The following SORCS1 variants were observed in gnomAD, a reference collection of about 807,000 sequenced individuals.
The protein encoded by SORCS1 is sortilin related VPS10 domain containing receptor 1.
SORCS1 carries 60 observed loss-of-function variants against 146.1 expected under a neutral mutation model. The ratio of observed to expected loss-of-function variants is 0.41; its 90% CI spans 0.33 to 0.51. SORCS1 has a LOEUF of 0.51. SORCS1 is among the 20% of genes least tolerant of loss of function. The pLI is 0.21. For missense variants in SORCS1, 1,352 were observed against 1,487.6 expected, an observed-to-expected ratio of 0.91 and a Z score of 1.50; for synonymous variants, 637 against 584.0, an observed-to-expected ratio of 1.09 and a Z score of -1.31.
At chr10:106,760,317 G>A (rs1179220978) in intron 5 of SORCS1, among the ~76,000 whole-genome samples, 6 of 151,762 alleles carry the variant, frequency 4.0e-5, no homozygotes, top group African/African-American at 1.2e-4. Context: ...GATGGTGGGC[G>A]CCTGTAGTCC....
rs768168453 is a variant in SORCS1, at chr10:106,675,204, A to C, written c.1833-48T>G. On this transcript the variant is annotated intron_variant, in intron 13 of 25. Coordinates refer to ENST00000263054, the MANE Select transcript of SORCS1 (RefSeq NM_052918.5). ...TCATCAGATCTCCAAAGGAAAAAAA[A>C]ATGTCATTTCAAAGGAAAGATACTC... 2.8e-6 allele frequency: 4 copies of C among 1,412,706 alleles called. No homozygotes were observed. In the South Asian group the frequency reaches 4.8e-5, roughly 17 times the overall value. 87.5% of individuals were successfully genotyped at this position (1,412,706 alleles called of 1,614,324 possible). A position where few individuals can be genotyped will look rare whatever the true frequency, so the allele number is the denominator to read the frequency against.
At chr10:107,004,551 T>G (rs1229974697) in intron 1 of SORCS1, among the ~76,000 whole-genome samples, 1 of 152,156 alleles carries the variant, frequency 6.6e-6, no homozygotes, top group Non-Finnish European at 1.5e-5. Context: ...CAGAACAGTA[T>G]GGAGGAAATG....
intron 2 of SORCS1, among the ~76,000 whole-genome samples, chr10:106,841,337 G>A (rs1949030878): frequency 6.6e-6 from 1 of 152,018 alleles, no homozygotes; most frequent in Non-Finnish European, 1.5e-5. Flanking sequence ...TGGTGTGGTG[G>A]CATGCGCCTG....
At chr10:106,925,429 A>T (rs1952965019) in intron 2 of SORCS1, among the ~76,000 whole-genome samples, 1 of 152,286 alleles carries the variant, frequency 6.6e-6, no homozygotes, top group East Asian at 1.9e-4. Context: ...AATTACACTG[A>T]CACCCTGCTT....
chr10:106,981,942 G>A (rs1244589466), intron 1 of SORCS1, among the ~76,000 whole-genome samples: 1 of 152,152 alleles, frequency 6.6e-6, no homozygotes, highest in East Asian at 1.9e-4. Context: ...CATCCATTGC[G>A]GGTTCCTGAG....
At chr10:106,673,103 T>C in intron 14 of SORCS1, 118 bp from the exon 15 acceptor site, 1 of 729,726 alleles carries the variant, frequency 1.4e-6, no homozygotes, top group South Asian at 1.9e-5. Context: ...AATCATATCA[T>C]TTAATCCTCA....
At chr10:106,849,373 C>T (rs1405572162) in intron 2 of SORCS1, among the ~76,000 whole-genome samples, 3 of 148,996 alleles carry the variant, frequency 2.0e-5, no homozygotes, top group Non-Finnish European at 4.5e-5. Flanking sequence ...TCCAGTTGAT[C>T]GCATCGGCTC....
rs553474041 is a variant in SORCS1 at position 106,612,215 on chromosome 10, G to A, written c.2921-192C>T. On this transcript the variant is annotated intron_variant, in intron 21 of 25. Transcript: ENST00000263054. ...TTTCTTTTTTTGTTTGTTTTAAGGA[G>A]CGGAGAGTTTAATAGGCAAGAAAGA... is the stretch of plus-strand genomic sequence containing the variant. Among the ~76,000 whole-genome samples the A allele has an allele frequency of 1.6e-3, 244 of 152,082 alleles. 2 individuals carry two copies. The highest frequency in any genetic ancestry group is 3.9e-3 in the South Asian group (19 of 4,816).
At chr10:106,725,606 A>T (rs1452144978) in intron 6 of SORCS1, among the ~76,000 whole-genome samples, 1 of 147,530 alleles carries the variant, frequency 6.8e-6, no homozygotes, top group Non-Finnish European at 1.5e-5. Context: ...TAATGAATGG[A>T]TGGAGAAAAA....
At chr10:107,172,253 G>A in the SORCS1 span, among the ~76,000 whole-genome samples, 2 of 151,976 alleles carry the variant, frequency 1.3e-5, no homozygotes, top group Non-Finnish European at 2.9e-5. Flanking sequence ...TTTGATATCT[G>A]CTACCATAGT....
chr10:106,914,016 T>C (rs917865500), intron 2 of SORCS1, among the ~76,000 whole-genome samples: 1 of 152,204 alleles, frequency 6.6e-6, no homozygotes, highest in Admixed American at 6.5e-5. Flanking sequence ...AGTGGGAAGA[T>C]GGCTGTGAAG....
At chr10:107,132,090 T>C (rs1364230833) in intron 1 of SORCS1, among the ~76,000 whole-genome samples, 2 of 152,334 alleles carry the variant, frequency 1.3e-5, no homozygotes, top group Non-Finnish European at 2.9e-5. Flanking sequence ...CTCTTTTGCC[T>C]AGCATTTAAA....
intron 21 of SORCS1, among the ~76,000 whole-genome samples, chr10:106,614,342 G>T (rs1300026436): frequency 1.3e-5 from 2 of 152,162 alleles, no homozygotes; most frequent in Non-Finnish European, 2.9e-5. Flanking sequence ...AAGCACAAAA[G>T]TTCACTTGTA....
chr10:106,872,769 G>C (rs1444630393), intron 2 of SORCS1, among the ~76,000 whole-genome samples: 1 of 152,136 alleles, frequency 6.6e-6, no homozygotes, highest in African/African-American at 2.4e-5. Context: ...AGATAGGACA[G>C]AAATTTATCA....
intron 3 of SORCS1, among the ~76,000 whole-genome samples, chr10:106,799,270 A>C (rs1946747637): frequency 6.6e-6 from 1 of 152,260 alleles, no homozygotes; most frequent in Admixed American, 6.5e-5. Context: ...CTAAAACCAT[A>C]AAAACCCTAG....
chr10:106,607,156 G>A lies in SORCS1; in HGVS notation c.3165+10C>T. ...GAAGCTGAAAACGTCTCCTTTTCCA[G>A]GGGACTCACCTGCTCCAGGTCATCA... is the stretch of plus-strand genomic sequence containing the variant. On this transcript the variant is annotated intron_variant, in intron 23 of 25. Coordinates refer to ENST00000263054, the MANE Select transcript of SORCS1 (RefSeq NM_052918.5). The A allele has an allele frequency of 1.2e-6, 2 of 1,612,514 alleles. No individual in the cohort carries two copies. The highest frequency in any genetic ancestry group is 1.1e-5 in the South Asian group (1 of 90,788).
chr10:106,648,285 G>C (rs898248065), intron 18 of SORCS1, among the ~76,000 whole-genome samples: 1 of 152,062 alleles, frequency 6.6e-6, no homozygotes, highest in Non-Finnish European at 1.5e-5. Flanking sequence ...GTAGCTTGAT[G>C]ATAAGATTCT....
At chr10:106,981,457 C>G (rs1184979064) in intron 1 of SORCS1, among the ~76,000 whole-genome samples, 2 of 152,172 alleles carry the variant, frequency 1.3e-5, no homozygotes, top group Non-Finnish European at 1.5e-5. Context: ...TAAACACCAA[C>G]TACAAACAAA....
At chr10:107,051,600 C>G (rs1311786753) in intron 1 of SORCS1, among the ~76,000 whole-genome samples, 2 of 151,940 alleles carry the variant, frequency 1.3e-5, no homozygotes, top group African/African-American at 4.8e-5. Flanking sequence ...CTTTTGAAGC[C>G]CATTTGTATA....
Sources: allele counts gnomAD v4.1 joint callset (sites outside exome capture counted in the v4.1 genomes callset), GRCh38; gene constraint gnomAD v4.1.1; transcripts MANE v1.5; gene names NCBI Gene and HGNC (gene_info 2026-07-23, HGNC 2026-07-21).